FREM1: variants seen among roughly 807,000 people sequenced by gnomAD.
FREM1 encodes the protein FRAS1-related extracellular matrix protein 1.
Under a neutral mutation model 210.1 loss-of-function variants are expected in FREM1, and 220 were observed. The observed-to-expected ratio is 1.05, with a 90% CI of 0.94 to 1.17. The LOEUF is 1.17. FREM1 is among the 50% of genes most tolerant of loss of function. FREM1 has a pLI of 0.00. For synonymous variants in FREM1, 1,189 were observed against 980.2 expected (o/e 1.21, Z -3.98); for missense variants, 3,454 against 2,675.5 (o/e 1.29, Z -6.42).
At chr9:14,786,093 A>G (rs956070702) in intron 23 of FREM1, among the ~76,000 whole-genome samples, 4 of 152,208 alleles carry the variant, frequency 2.6e-5, no homozygotes, top group African/African-American at 9.6e-5. Flanking sequence ...TGTCAGGTAC[A>G]GAACTAAAGA....
At chr9:14,777,521 A>G (rs1425249162) in intron 24 of FREM1, among the ~76,000 whole-genome samples, 2 of 152,126 alleles carry the variant, frequency 1.3e-5, no homozygotes, top group African/African-American at 2.4e-5. Flanking sequence ...TTCGTAGAGG[A>G]TGCACTCTTC....
At chr9:14,757,098 G>A (rs1844530907) in intron 28 of FREM1, among the ~76,000 whole-genome samples, 1 of 152,136 alleles carries the variant, frequency 6.6e-6, no homozygotes, top group Admixed American at 6.5e-5. Context: ...CCGTCAGGTA[G>A]GTGTTTTAAA....
chr9:14,763,774 G>A (rs549311216), intron 27 of FREM1, among the ~76,000 whole-genome samples: 11 of 152,270 alleles, frequency 7.2e-5, no homozygotes, highest in African/African-American at 9.6e-5. Context: ...CATGTACCAC[G>A]TACAGCAAGC....
chr9:14,878,358 C>T (rs910561002), intron 1 of FREM1, among the ~76,000 whole-genome samples: 1 of 152,078 alleles, frequency 6.6e-6, no homozygotes, highest in Non-Finnish European at 1.5e-5. Context: ...CCTCTCACTT[C>T]TGTTGTCTCT....
Position 14,825,052 on chromosome 9 carries a change from C to T in FREM1, c.1882-60G>A. On this transcript the variant is annotated intron_variant, in intron 10 of 36. Coordinates refer to ENST00000380880, the MANE Select transcript of FREM1 (RefSeq NM_001379081.2). ...TACCAAAAAAACAACAAAGAAAATG[C>T]CCCACAATCACCTAGTCACAGTTAA... The T allele has an allele frequency of 3.5e-6, 4 of 1,155,188 alleles. No individual in the cohort carries two copies. In the South Asian group the frequency reaches 4.4e-5, roughly 13 times the overall value. The allele number at this position is 1,155,188 out of a possible 1,614,324, so 71.6% of individuals were successfully genotyped here.
At chr9:14,787,995 A>T (rs1197470081) in intron 23 of FREM1, among the ~76,000 whole-genome samples, 2 of 152,204 alleles carry the variant, frequency 1.3e-5, no homozygotes, top group East Asian at 1.9e-4. Context: ...TTAATTTTTT[A>T]AAAATTTAGG....
At position 14,750,285 on chromosome 9, in the gene FREM1, A is replaced by C. The variant is rs1412241716; in HGVS notation, c.5408-9T>G. 1 of 1,598,124 alleles carries C rather than the reference A, an allele frequency of 6.3e-7. No individual in the cohort carries two copies. Among genetic ancestry groups the C allele is most frequent in the South Asian group, 1.1e-5 (1 of 89,082 alleles). On this transcript the variant is annotated splice_polypyrimidine_tract_variant and intron_variant, in intron 29 of 36. Transcript: ENST00000380880. ...CATCTTAGTTGACATTCCTACAAGAAGTAAACATTTTAATTACTCTTTAAT... is the reference window on the plus strand; with the variant it reads ...CATCTTAGTTGACATTCCTACAAGACGTAAACATTTTAATTACTCTTTAAT...
chr9:14,852,560 G>A (rs1827973966), intron 5 of FREM1, among the ~76,000 whole-genome samples: 1 of 152,148 alleles, frequency 6.6e-6, no homozygotes, highest in Admixed American at 6.6e-5. Context: ...GACAGGCATG[G>A]TGGTGCACAC....
In FREM1 at chr9:14,775,856, T is replaced by C. The variant is rs770599730; in HGVS notation, c.4790A>G (p.Asp1597Gly). The change falls in exon 25 of 37, where the codon GAT (aspartate) becomes GGT (glycine). Residue 1597 changes from aspartate (D) to glycine (G), a missense_variant. Coordinates refer to ENST00000380880, the MANE Select transcript of FREM1 (RefSeq NM_001379081.2). The part of the protein sequence containing the change: ...QTDCFTFMAT[D>G]GTNQGFIVNG... ...CACAATAAAGCCTTGGTTTGTCCCA[T>C]CTGTGGCCATGAAAGTAAAGCAGTC... is the stretch of plus-strand genomic sequence containing the variant. The C allele has an allele frequency of 6.2e-7, 1 of 1,613,946 alleles. No homozygotes were observed. Among genetic ancestry groups the C allele is most frequent in the East Asian group, 2.2e-5 (1 of 44,882 alleles).
At chr9:14,798,371 G>A (rs900635722) in intron 20 of FREM1, among the ~76,000 whole-genome samples, 16 of 152,198 alleles carry the variant, frequency 1.1e-4, no homozygotes, top group East Asian at 1.9e-4. Flanking sequence ...ACAACTTTTC[G>A]GGGCTCAAGT....
At chr9:14,756,601 T>C (rs1844423379) in intron 28 of FREM1, among the ~76,000 whole-genome samples, 155 bp from the exon 29 acceptor site, 1 of 152,202 alleles carries the variant, frequency 6.6e-6, no homozygotes, top group Non-Finnish European at 1.5e-5. Context: ...CCATTTGGGA[T>C]CCAGGCAACA....
At chr9:14,908,488 T>A (rs1015349954) in intron 1 of FREM1, among the ~76,000 whole-genome samples, 1 of 151,604 alleles carries the variant, frequency 6.6e-6, no homozygotes, top group Non-Finnish European at 1.5e-5. Flanking sequence ...GGTAGTCAGG[T>A]CCCTTTGCCC....
rs772539241 is a variant in FREM1, at chr9:14,804,477, C to G, written c.3471+479G>C. ...GCGGGCACCTGCAGTCCCAGCTACT[C>G]GGGAGGCTGAGGCAGGAGAATGGCG... On this transcript the variant is annotated intron_variant, in intron 19 of 36. Coordinates refer to ENST00000380880, the MANE Select transcript of FREM1 (RefSeq NM_001379081.2). 3.3e-5 allele frequency among the ~76,000 whole-genome samples: 5 copies of G among 152,218 alleles called. No individual in the cohort carries two copies. The East Asian group carries it at 7.8e-4, about 24-fold the overall frequency.
At position 14,784,487 on chromosome 9, in the gene FREM1, A is replaced by G. The variant is rs1207991863; in HGVS notation, c.4325T>C (p.Ile1442Thr). 5 of 1,613,796 alleles carry G rather than the reference A, an allele frequency of 3.1e-6. No individual in the cohort carries two copies. The highest frequency in any genetic ancestry group is 1.3e-5 in the African/African-American group (1 of 74,920). Residue 1442 changes from isoleucine (I) to threonine (T), a missense_variant, in exon 24 of 37, where the codon ATC becomes ACC. Transcript: ENST00000380880. ...VITSPPRYGQ[I>T]EYVHYPGVPI... ...AACTCCAGGATAGTGAACATATTCG[A>G]TCTGGCCATATCGCGGAGGGGAGGT...
At chr9:14,763,372 C>T (rs555363901) in intron 27 of FREM1, among the ~76,000 whole-genome samples, 1 of 152,254 alleles carries the variant, frequency 6.6e-6, no homozygotes, top group Non-Finnish European at 1.5e-5. Flanking sequence ...GAACTTCTTC[C>T]ATATGCGGTT....
At chr9:14,905,848 G>A (rs1410184001) in intron 1 of FREM1, among the ~76,000 whole-genome samples, 3 of 151,934 alleles carry the variant, frequency 2.0e-5, no homozygotes, top group Non-Finnish European at 2.9e-5. Flanking sequence ...CCAAGATCAC[G>A]CCACTGCACT....
At chr9:14,766,911 T>A (rs776895717) in intron 27 of FREM1, among the ~76,000 whole-genome samples, 1 of 152,208 alleles carries the variant, frequency 6.6e-6, no homozygotes, top group Admixed American at 6.5e-5. Context: ...GGCTTTCTAA[T>A]CCACCAAATG....
chr9:14,812,126 T>C (rs1819513226), intron 16 of FREM1, among the ~76,000 whole-genome samples: 1 of 152,182 alleles, frequency 6.6e-6, no homozygotes, highest in Non-Finnish European at 1.5e-5. Flanking sequence ...GTTCAAAGTC[T>C]TTCATAGCAG....
rs781519214 is a variant in FREM1, at chr9:14,857,765, C to G, written c.632-16G>C. ...GCTCTCAGTTCTAGAATGTACAGCA[C>G]TGGATTAAGAGAGTCACTTAAACAT... On this transcript the variant is annotated splice_polypyrimidine_tract_variant and intron_variant, in intron 4 of 36. Coordinates refer to ENST00000380880, the MANE Select transcript of FREM1 (RefSeq NM_001379081.2). The G allele has an allele frequency of 4.5e-6, 7 of 1,560,534 alleles. No individual in the cohort carries two copies. The Admixed American group carries it at 7.5e-5, about 17-fold the overall frequency.
Sources: allele counts gnomAD v4.1 joint callset (sites outside exome capture counted in the v4.1 genomes callset), GRCh38; gene constraint gnomAD v4.1.1; transcripts MANE v1.5; gene names NCBI Gene and HGNC (gene_info 2026-07-23, HGNC 2026-07-21).